Variants in TECRL observed in about 807,000 individuals in gnomAD.
TECRL encodes trans-2,3-enoyl-CoA reductase like.
A neutral mutation model predicts 52.8 loss-of-function variants in TECRL; 63 were observed. The observed-to-expected ratio is 1.19, with a 90% CI of 0.97 to 1.47. The LOEUF is 1.47. TECRL is among the 40% of genes most tolerant of loss of function. TECRL has a pLI of 0.00. For missense variants in TECRL, 482 were observed against 429.6 expected, an observed-to-expected ratio of 1.12 and a Z score of -1.08; for synonymous variants, 164 against 141.9, an observed-to-expected ratio of 1.16 and a Z score of -1.10.
intron 8 of TECRL, among the ~76,000 whole-genome samples, chr4:64,295,625 T>C (rs1723636849): frequency 6.6e-6 from 1 of 151,660 alleles, no homozygotes; most frequent in African/African-American, 2.4e-5. Context: ...AACTCTGAAG[T>C]AAATGATGTT....
intron 5 of TECRL, among the ~76,000 whole-genome samples, chr4:64,312,049 T>C (rs1484172189): frequency 6.6e-6 from 1 of 152,158 alleles, no homozygotes; most frequent in Non-Finnish European, 1.5e-5. Context: ...CTATGGGAGA[T>C]GTACCTTTAG....
downstream of TECRL, chr4:64,276,786 T>G: frequency 3.3e-6 from 1 of 300,848 alleles, no homozygotes; most frequent in Non-Finnish European, 6.0e-6. Flanking sequence ...AATGCAAACT[T>G]ATTATTTACA....
chr4:64,381,530 T>C (rs149713270), intron 1 of TECRL, among the ~76,000 whole-genome samples: 1,875 of 152,166 alleles, frequency 0.012, 45 homozygotes, highest in African/African-American at 0.042. Context: ...GTTTGTCATA[T>C]ATGCCCTTTA....
At chr4:64,331,918 CAA>C (rs905893125) in intron 2 of TECRL, among the ~76,000 whole-genome samples, 3 of 151,858 alleles carry the variant, frequency 2.0e-5, no homozygotes, top group Admixed American at 2.0e-4. Context: ...CAATAATAAG[CAA>C]AAAAAGTCCA....
intron 1 of TECRL, among the ~76,000 whole-genome samples, chr4:64,388,564 T>C (rs1320474801): frequency 4.0e-5 from 6 of 151,882 alleles, no homozygotes; most frequent in Non-Finnish European, 1.5e-5. Context: ...ACAAAATAAC[T>C]TGCTGGGATT....
chr4:64,388,297 T>C (rs1723317508), intron 1 of TECRL, among the ~76,000 whole-genome samples: 1 of 151,606 alleles, frequency 6.6e-6, no homozygotes, highest in Non-Finnish European at 1.5e-5. Context: ...CTACATTATG[T>C]TGCCTTTGTT....
At position 64,305,198 on chromosome 4, in the gene TECRL, T is replaced by C; in HGVS notation, c.698A>G (p.Tyr233Cys). The change falls in exon 7 of 12, where the codon TAC becomes TGC. Residue 233 changes from tyrosine to cysteine, a missense_variant. Physicochemically the swap from Tyr to Cys is radical, Grantham distance 194. Transcript: ENST00000381210. ...TGTATATAGTGGATGATTAATGTAG[T>C]AGGCAATCCAAGAAGTAAATCCCCA... is the stretch of plus-strand genomic sequence containing the variant. ...FYWGFTSWIA[Y>C]YINHPLYTPP... is the part of the protein sequence containing the mutation. 2.5e-6 allele frequency: 4 copies of C among 1,612,920 alleles called. No homozygotes were observed. Among genetic ancestry groups the C allele is most frequent in the Non-Finnish European group, 3.4e-6 (4 of 1,179,250 alleles).
chr4:64,316,405 A>T (rs78521404), intron 4 of TECRL, among the ~76,000 whole-genome samples: 307 of 152,254 alleles, frequency 2.0e-3, no homozygotes, highest in African/African-American at 7.1e-3. Flanking sequence ...ATGGAGGGTT[A>T]TGAATAATAT....
chr4:64,311,625 T>C (rs1356970316), intron 5 of TECRL, among the ~76,000 whole-genome samples: 1 of 152,192 alleles, frequency 6.6e-6, no homozygotes, highest in African/African-American at 2.4e-5. Flanking sequence ...TATTATACCA[T>C]GAGAGCATAG....
chr4:64,404,488 AT>A lies in TECRL; in HGVS notation c.234+4629del, dbSNP rs1367965825. ...AAATTTATTTTTCCTACAATCTCTT[AT>A]TTTTAATGTTCCAACAAATACTTGA... On this transcript the variant is annotated intron_variant, in intron 1 of 11. Coordinates refer to ENST00000381210, the MANE Select transcript of TECRL (RefSeq NM_001010874.5). Among the ~76,000 whole-genome samples, 5 of 152,050 alleles carry A rather than the reference AT, an allele frequency of 3.3e-5. No homozygotes were observed. The East Asian group carries it at 9.6e-4, about 29-fold the overall frequency.
intron 2 of TECRL, among the ~76,000 whole-genome samples, chr4:64,345,915 A>AAAAAAAAAAAAAAAAAAAAAAAAAAC (rs1719932915): frequency 1.4e-5 from 2 of 140,736 alleles, no homozygotes; most frequent in Non-Finnish European, 3.0e-5. Context: ...AGCAAAAAAA[A>AAAAAAAAAAAAAAAAAAAAAAAAAAC]AAAAAAAAAA....
intron 1 of TECRL, among the ~76,000 whole-genome samples, chr4:64,376,706 A>G (rs1020147454): frequency 3.9e-5 from 6 of 151,950 alleles, no homozygotes; most frequent in Admixed American, 6.6e-5. Context: ...TTTTAAATAA[A>G]AAATAATTTT....
intron 5 of TECRL, among the ~76,000 whole-genome samples, chr4:64,313,408 A>G (rs1253416387): frequency 6.6e-6 from 1 of 150,486 alleles, no homozygotes; most frequent in Non-Finnish European, 1.5e-5. Context: ...AGACAGAGAG[A>G]GAAAGATTAT....
chr4:64,370,338 A>G (rs140193959), intron 2 of TECRL, among the ~76,000 whole-genome samples: 1 of 151,974 alleles, frequency 6.6e-6, no homozygotes, highest in East Asian at 1.9e-4. Flanking sequence ...AGTAGATTTC[A>G]CCAGGCGAAG....
At chr4:64,404,859 C>T (rs1312412308) in intron 1 of TECRL, among the ~76,000 whole-genome samples, 1 of 152,004 alleles carries the variant, frequency 6.6e-6, no homozygotes, top group Non-Finnish European at 1.5e-5. Flanking sequence ...AAATATTATA[C>T]TCCTCCATCT....
At position 64,358,054 on chromosome 4, in the gene TECRL, A is replaced by T. The variant is rs147193880; in HGVS notation, c.286+17118T>A. ...AATGAAGTCTCTTTTCTGCTCACCA[A>T]TTATTAAAAATTACTAGGTCTGTGA... On this transcript the variant is annotated intron_variant, in intron 2 of 11. Coordinates refer to ENST00000381210, the MANE Select transcript of TECRL (RefSeq NM_001010874.5). Among the ~76,000 whole-genome samples the T allele has an allele frequency of 1.7e-3, 250 of 151,428 alleles. 1 individual carries two copies. The highest frequency in any genetic ancestry group is 2.9e-3 in the Non-Finnish European group (194 of 67,634).
rs144258506 is a variant in TECRL, at chr4:64,340,743, G to A, written c.287-12187C>T. 9.8e-3 allele frequency among the ~76,000 whole-genome samples: 1,498 copies of A among 152,308 alleles called. 16 individuals carry two copies. The highest frequency in any genetic ancestry group is 0.034 in the Middle Eastern group (10 of 294). On this transcript the variant is annotated intron_variant, in intron 2 of 11. Coordinates refer to ENST00000381210, the MANE Select transcript of TECRL (RefSeq NM_001010874.5). ...CCTGGTGAGGCCTCATCTTCAGGCC[G>A]TGAAGTGCCTGAAGGATGGGGACCC...
chr4:64,399,711 G>A (rs1476144372), intron 1 of TECRL, among the ~76,000 whole-genome samples: 1 of 152,186 alleles, frequency 6.6e-6, no homozygotes, highest in Non-Finnish European at 1.5e-5. Context: ...TTCAGGGAGT[G>A]TAAGTGGTTT....
intron 1 of TECRL, among the ~76,000 whole-genome samples, chr4:64,395,685 A>T (rs1249434270): frequency 6.6e-6 from 1 of 152,180 alleles, no homozygotes; most frequent in African/African-American, 2.4e-5. Flanking sequence ...TTTTTATTGT[A>T]GGTTGAGAGG....
Sources: allele counts gnomAD v4.1 joint callset (sites outside exome capture counted in the v4.1 genomes callset), GRCh38; gene constraint gnomAD v4.1.1; transcripts MANE v1.5; gene names NCBI Gene and HGNC (gene_info 2026-07-23, HGNC 2026-07-21).